Variants in MAPKAP1 observed in about 807,000 individuals in gnomAD.
The protein encoded by MAPKAP1 is MAPK associated protein 1.
A neutral mutation model predicts 65.7 loss-of-function variants in MAPKAP1; 20 were observed. The observed-to-expected ratio is 0.30, with a 90% CI of 0.21 to 0.44. MAPKAP1 has a LOEUF of 0.44. Among genes scored for constraint, MAPKAP1 ranks in the 20% least tolerant of loss-of-function variants. MAPKAP1 has a pLI of 1.00. For missense variants in MAPKAP1, 423 were observed against 648.0 expected (o/e 0.65, Z 3.77); for synonymous variants, 222 against 244.3 (o/e 0.91, Z 0.85).
At chr9:125,647,778 C>T (rs1485072592) in intron 4 of MAPKAP1, among the ~76,000 whole-genome samples, 8 of 152,140 alleles carry the variant, frequency 5.3e-5, no homozygotes, top group African/African-American at 1.9e-4. Context: ...TGAGCCAGTA[C>T]AGTGTGGGTG....
intron 4 of MAPKAP1, among the ~76,000 whole-genome samples, chr9:125,618,187 CA>C (rs1177132528): frequency 1.3e-5 from 2 of 151,318 alleles, no homozygotes. Context: ...AATAAAAACA[CA>C]AAAATTAGCT....
Position 125,595,743 on chromosome 9 carries a change from C to A in MAPKAP1, c.499-10016G>T, listed in dbSNP as rs1288822422. 3 of 1,450,158 alleles carry A rather than the reference C, an allele frequency of 2.1e-6. No individual in the cohort carries two copies. The highest frequency in any genetic ancestry group is 1.9e-6 in the Non-Finnish European group (2 of 1,050,984). 89.8% of individuals were successfully genotyped at this position (1,450,158 alleles called of 1,614,324 possible). A position where few individuals can be genotyped will look rare whatever the true frequency, so the allele number is the denominator to read the frequency against. On this transcript the variant is annotated intron_variant, in intron 4 of 11. Transcript: ENST00000265960. The surrounding 1 kb of genome is among the most constrained non-coding windows in gnomAD (Gnocchi z 4.0). Reference sequence around the variant, plus strand: ...ATTGGAGGGTTGAGCTTTGAAACAACCAATGAGAGCAAGAGGAGCCATTGT... The same window carrying A: ...ATTGGAGGGTTGAGCTTTGAAACAAACAATGAGAGCAAGAGGAGCCATTGT...
intron 10 of MAPKAP1, among the ~76,000 whole-genome samples, chr9:125,453,664 T>C (rs1853048393): frequency 1.3e-5 from 2 of 152,274 alleles, no homozygotes; most frequent in African/African-American, 4.8e-5. Flanking sequence ...TAAAATCTAT[T>C]GGTCTGTTTT....
intron 8 of MAPKAP1, among the ~76,000 whole-genome samples, chr9:125,489,194 T>C (rs1854611253): frequency 6.6e-6 from 1 of 152,116 alleles, no homozygotes; most frequent in Non-Finnish European, 1.5e-5. Flanking sequence ...AAACAAAAAC[T>C]ACTCCCTGTT....
Position 125,595,553 on chromosome 9 carries a change from G to T in MAPKAP1, c.499-9826C>A. ...GGAGAAGCAATAAGAATACAGATGGGATTCAGTTCAAAATAATCTTGAATT... is the reference window on the plus strand; with the variant it reads ...GGAGAAGCAATAAGAATACAGATGGTATTCAGTTCAAAATAATCTTGAATT... On this transcript the variant is annotated intron_variant, in intron 4 of 11. Transcript: ENST00000265960. The surrounding 1 kb of genome is among the most constrained non-coding windows in gnomAD (Gnocchi z 4.0). 2 of 1,191,392 alleles carry T rather than the reference G, an allele frequency of 1.7e-6. No individual in the cohort carries two copies. Among genetic ancestry groups the T allele is most frequent in the Non-Finnish European group, 2.1e-6 (2 of 953,892 alleles). 73.8% of individuals were successfully genotyped at this position (1,191,392 alleles called of 1,614,324 possible). A position where few individuals can be genotyped will look rare whatever the true frequency, so the allele number is the denominator to read the frequency against.
chr9:125,592,806 G>C (rs1832005418), intron 4 of MAPKAP1, among the ~76,000 whole-genome samples: 1 of 151,890 alleles, frequency 6.6e-6, no homozygotes, highest in African/African-American at 2.4e-5. Context: ...AGGAGGCTGA[G>C]GCAGGAGAAT....
At chr9:125,632,132 G>C (rs1369123036) in intron 4 of MAPKAP1, among the ~76,000 whole-genome samples, 1 of 150,928 alleles carries the variant, frequency 6.6e-6, no homozygotes, top group Non-Finnish European at 1.5e-5. Context: ...TGAGGCAGAA[G>C]AATCACTTGA....
chr9:125,584,537 C>T (rs903541617), intron 5 of MAPKAP1, among the ~76,000 whole-genome samples: 1 of 152,108 alleles, frequency 6.6e-6, no homozygotes, highest in Non-Finnish European at 1.5e-5. Flanking sequence ...AGCGATTCTC[C>T]TGCCTCAGCC....
intron 1 of MAPKAP1, among the ~76,000 whole-genome samples, chr9:125,687,343 G>A (rs1482933848): frequency 6.6e-6 from 1 of 152,120 alleles, no homozygotes; most frequent in Non-Finnish European, 1.5e-5. Flanking sequence ...CATCTGCTAT[G>A]GATTAGTTAA....
At chr9:125,512,401 C>T (rs900761598) in intron 7 of MAPKAP1, among the ~76,000 whole-genome samples, 2 of 152,146 alleles carry the variant, frequency 1.3e-5, no homozygotes, top group Non-Finnish European at 2.9e-5. Context: ...GTAACTAGCT[C>T]CTATCATGTC....
Position 125,672,178 on chromosome 9 carries a change from C to G in MAPKAP1, c.259+138G>C. 3 of 894,276 alleles carry G rather than the reference C, an allele frequency of 3.4e-6. No homozygotes were observed. The South Asian group carries it at 5.2e-5, about 15-fold the overall frequency. 55.4% of individuals were successfully genotyped at this position (894,276 alleles called of 1,614,324 possible). ...GAGATGGAGATGTTGCTCAGACTCA[C>G]TCTTAGTCTGACATATGCATGTTCC... On this transcript the variant is annotated intron_variant, in intron 2 of 11. Transcript: ENST00000265960.
Position 125,693,721 on chromosome 9 carries a change from G to GTATATACACGTA in MAPKAP1, c.-70+13249_-70+13250insTACGTGTATATA, listed in dbSNP as rs1835281365. Among the ~76,000 whole-genome samples the GTATATACACGTA allele has an allele frequency of 5.1e-5, 3 of 58,920 alleles. 1 individual carries two copies. Among genetic ancestry groups the GTATATACACGTA allele is most frequent in the African/African-American group, 1.2e-4 (3 of 25,348 alleles). 38.7% of individuals were successfully genotyped at this position (58,920 alleles called of 152,430 possible). A position where few individuals can be genotyped will look rare whatever the true frequency, so the allele number is the denominator to read the frequency against. On this transcript the variant is annotated intron_variant, in intron 1 of 11. Coordinates refer to ENST00000265960, the MANE Select transcript of MAPKAP1 (RefSeq NM_001006617.3). ...CACGTATATATACACATATATACAC[G>GTATATACACGTA]TATATACACATATATACACGTATAT...
Position 125,467,827 on chromosome 9 carries a change from T to C in MAPKAP1, c.1345+145A>G, listed in dbSNP as rs992310474. On this transcript the variant is annotated intron_variant, in intron 10 of 11. Coordinates refer to ENST00000265960, the MANE Select transcript of MAPKAP1 (RefSeq NM_001006617.3). ...CTGGGCACCATAATACAATCCCGTT[T>C]GATTAAAAGAAATTTCTGGTAATGA... 5.6e-6 allele frequency: 5 copies of C among 891,372 alleles called. No individual in the cohort carries two copies. In the South Asian group the frequency reaches 7.2e-5, roughly 13 times the overall value. The allele number at this position is 891,372 out of a possible 1,614,324, so 55.2% of individuals were successfully genotyped here.
chr9:125,613,768 A>G (rs1445090053), intron 4 of MAPKAP1, among the ~76,000 whole-genome samples: 2 of 151,902 alleles, frequency 1.3e-5, no homozygotes, highest in African/African-American at 4.8e-5. Flanking sequence ...AGAATTACCC[A>G]TACTATTTAA....
intron 3 of MAPKAP1, among the ~76,000 whole-genome samples, chr9:125,667,056 G>C (rs1834359712): frequency 6.6e-6 from 1 of 152,196 alleles, no homozygotes; most frequent in Non-Finnish European, 1.5e-5. Flanking sequence ...AAAAGAGAGA[G>C]AAGGAAACTG....
chr9:125,545,952 C>A (rs561858126), intron 6 of MAPKAP1, among the ~76,000 whole-genome samples: 2 of 152,272 alleles, frequency 1.3e-5, no homozygotes, highest in South Asian at 4.1e-4. Flanking sequence ...CATTGTGGCA[C>A]AATGTAATAT....
chr9:125,598,279 C>G (rs968561294), intron 4 of MAPKAP1, among the ~76,000 whole-genome samples: 9 of 152,250 alleles, frequency 5.9e-5, no homozygotes, highest in Admixed American at 3.3e-4. Context: ...TTCAATAAAT[C>G]TGGAATGCTT....
At chr9:125,598,956 C>T (rs1832220467) in intron 4 of MAPKAP1, among the ~76,000 whole-genome samples, 1 of 151,192 alleles carries the variant, frequency 6.6e-6, no homozygotes. Flanking sequence ...AGGAGAATCA[C>T]TTGAACCCAG....
At chr9:125,524,863 T>C (rs1030760493) in intron 7 of MAPKAP1, among the ~76,000 whole-genome samples, 1 of 152,224 alleles carries the variant, frequency 6.6e-6, no homozygotes, top group Non-Finnish European at 1.5e-5. Flanking sequence ...TTTCTCCAGC[T>C]TTTAACCCTT....
Sources: gnomAD v4.1 joint callset for allele counts (sites outside exome capture counted in the v4.1 genomes callset) on GRCh38, gnomAD v4.1.1 for gene constraint, Gnocchi (gnomAD v3.1) non-coding constraint, MANE v1.5 for transcripts, NCBI Gene and HGNC (gene_info 2026-07-23, HGNC 2026-07-21) for gene names.